Variants in TNPO2 observed in about 807,000 individuals in gnomAD.
The protein encoded by TNPO2 is transportin 2.
A neutral mutation model predicts 111.1 loss-of-function variants in TNPO2; 16 were observed. That is an observed-to-expected ratio of 0.14 (90% CI 0.10 to 0.22). The LOEUF (loss-of-function observed/expected upper bound fraction) is 0.22, where lower values mean the gene tolerates loss of function less well. Ranked by LOEUF, TNPO2 falls within the 10% of genes least tolerant of loss-of-function variation. TNPO2 has a pLI of 1.00. For missense variants in TNPO2, 530 were observed against 1,173.7 expected (o/e 0.45, Z 8.01); for synonymous variants, 481 against 475.8 (o/e 1.01, Z -0.14).
In TNPO2 at chr19:12,702,941, C is replaced by T. The variant is rs766410927; in HGVS notation, c.2210-23G>A. The T allele has an allele frequency of 1.9e-6, 3 of 1,608,288 alleles. No individual in the cohort carries two copies. In the Admixed American group the frequency reaches 5.0e-5, roughly 27 times the overall value. ...CCCCTGGGGGAGCACCCAGTCAGAG[C>T]CCTGCACAGCCCCCGCCACCCACAG... On this transcript the variant is annotated intron_variant, in intron 20 of 25. Transcript: ENST00000425528. This position sits in a 1 kb window ranked among gnomAD's most constrained non-coding sequence, Gnocchi z 5.5.
rs564936967 is a variant in TNPO2 at position 12,701,704 on chromosome 19, G to A, written c.2512-32C>T. 3.3e-5 allele frequency: 54 copies of A among 1,613,076 alleles called. No individual in the cohort carries two copies. Among genetic ancestry groups the A allele is most frequent in the Middle Eastern group, 1.6e-4 (1 of 6,084 alleles). On this transcript the variant is annotated intron_variant, in intron 23 of 25. Transcript: ENST00000425528. This position sits in a 1 kb window ranked among gnomAD's most constrained non-coding sequence, Gnocchi z 5.0. ...CGTGACGGATCCCAGGTGAGGGGCC[G>A]CCCGAGCCCAGCGCCCGCGCCTGCC...
intron 11 of TNPO2, 24 bp downstream of exon 11, chr19:12,711,529 C>T (rs746247398): frequency 6.2e-7 from 1 of 1,613,924 alleles, no homozygotes; most frequent in East Asian, 2.2e-5. Flanking sequence ...CATGCCCACC[C>T]ATGCTGGGTG....
intron 13 of TNPO2, among the ~76,000 whole-genome samples, chr19:12,708,484 C>T (rs2025838109): frequency 6.7e-6 from 1 of 148,832 alleles, no homozygotes; most frequent in Non-Finnish European, 1.5e-5. Flanking sequence ...TTAAAGAGAA[C>T]AAAGATAATA....
chr19:12,718,014 GTT>G (rs962831259), intron 5 of TNPO2, among the ~76,000 whole-genome samples: 42 of 150,888 alleles, frequency 2.8e-4, no homozygotes, highest in African/African-American at 1.0e-3. Context: ...ATTTTATTTA[GTT>G]TTTTTTGAGA....
At position 12,715,012 on chromosome 19, in the gene TNPO2, G is replaced by A; in HGVS notation, c.771+35C>T. The A allele has an allele frequency of 6.3e-7, 1 of 1,576,266 alleles. No homozygotes were observed. Among genetic ancestry groups the A allele is most frequent in the Non-Finnish European group, 8.6e-7 (1 of 1,162,480 alleles). On this transcript the variant is annotated intron_variant, in intron 9 of 25. Transcript: ENST00000425528. This position sits in a 1 kb window ranked among gnomAD's most constrained non-coding sequence, Gnocchi z 7.1. ...CCCTGACCCCTGCCACCGGCCCCCT[G>A]CCTGCCCGCCTGGGCTGGCCTTGAC...
Position 12,701,761 on chromosome 19 carries a change from GC to G in TNPO2, c.2501del (p.Gly834AlafsTer13). The G allele has an allele frequency of 6.2e-7, 1 of 1,613,600 alleles. No homozygotes were observed. The highest frequency in any genetic ancestry group is 8.5e-7 in the Non-Finnish European group (1 of 1,179,698). On this transcript the variant is annotated frameshift_variant, in exon 23 of 26. Coordinates refer to ENST00000425528, the MANE Select transcript of TNPO2 (RefSeq NM_001382241.1). LOFTEE classifies it high-confidence loss of function. The surrounding 1 kb of genome is among the most constrained non-coding windows in gnomAD (Gnocchi z 5.0). Reference protein sequence around the residue: ...ICMMIGVNPGGVVQDFIFFCD... With the variant: ...ICMMIGVNPGXVVQDFIFFCD... ...GCCCAGCTGCCCCAACCTGCACAAC[GC>G]CCCCCGGGTTGACACCGATCATCAT... is the stretch of plus-strand genomic sequence containing the variant.
chr19:12,700,049 C>T lies in TNPO2; in HGVS notation c.*1215G>A, dbSNP rs907170984. 4 of 152,206 alleles carry T rather than the reference C, an allele frequency of 2.6e-5. No individual in the cohort carries two copies. Among genetic ancestry groups the T allele is most frequent in the Admixed American group, 1.3e-4 (2 of 15,266 alleles). The allele number at this position is 152,206 out of a possible 1,614,324, so 9.4% of individuals were successfully genotyped here. A position where few individuals can be genotyped will look rare whatever the true frequency, so the allele number is the denominator to read the frequency against. On this transcript the variant is annotated 3_prime_UTR_variant, in exon 26 of 26. Coordinates refer to ENST00000425528, the MANE Select transcript of TNPO2 (RefSeq NM_001382241.1). ...CCTTGACCATGTTCCCAGACTATTC[C>T]GGAAGGTTCTCTAGAATTGCTGACC... is the stretch of plus-strand genomic sequence containing the variant.
intron 13 of TNPO2, among the ~76,000 whole-genome samples, chr19:12,708,779 G>C (rs1377038918): frequency 6.6e-6 from 1 of 152,044 alleles, no homozygotes; most frequent in Middle Eastern, 3.2e-3. Flanking sequence ...GCTGAGGCAG[G>C]AGAATCTCTG....
At chr19:12,710,126 G>A (rs1422237040) in intron 13 of TNPO2, among the ~76,000 whole-genome samples, 1 of 152,116 alleles carries the variant, frequency 6.6e-6, no homozygotes, top group Non-Finnish European at 1.5e-5. Flanking sequence ...TGAATTTGAT[G>A]AAACACCACC....
intron 10 of TNPO2, among the ~76,000 whole-genome samples, chr19:12,714,576 T>G (rs1353180684): frequency 2.0e-5 from 3 of 152,082 alleles, no homozygotes; most frequent in Admixed American, 2.0e-4. Context: ...CCTCCCAAAG[T>G]GCTAGGATTA....
chr19:12,723,637 T>A (rs1368642435), intron 1 of TNPO2, 132 bp downstream of exon 1: 1 of 152,210 alleles, frequency 6.6e-6, no homozygotes, highest in Non-Finnish European at 1.5e-5. Context: ...CCTAAGCCGA[T>A]ATTTAATGAA....
chr19:12,721,263 C>T lies in TNPO2; in HGVS notation c.-13-273G>A. 1.5e-6 allele frequency: 2 copies of T among 1,294,398 alleles called. No individual in the cohort carries two copies. Among genetic ancestry groups the T allele is most frequent in the Non-Finnish European group, 2.0e-6 (2 of 1,015,706 alleles). The allele number at this position is 1,294,398 out of a possible 1,614,324, so 80.2% of individuals were successfully genotyped here. On this transcript the variant is annotated intron_variant, in intron 2 of 25. Coordinates refer to ENST00000425528, the MANE Select transcript of TNPO2 (RefSeq NM_001382241.1). The surrounding 1 kb of genome is among the most constrained non-coding windows in gnomAD (Gnocchi z 4.9). ...CCCGGCGGATCCTCATGGGACCCAG[C>T]GAAGAGCCCTCGTCCCAGGGTGGCC...
At chr19:12,716,639 A>G (rs1303342508) in intron 5 of TNPO2, among the ~76,000 whole-genome samples, 1 of 151,496 alleles carries the variant, frequency 6.6e-6, no homozygotes, top group East Asian at 1.9e-4. Context: ...CAAACAAAAC[A>G]AAAACAAACA....
intron 12 of TNPO2, among the ~76,000 whole-genome samples, chr19:12,711,019 C>G (rs1023952979): frequency 6.6e-6 from 1 of 152,152 alleles, no homozygotes; most frequent in Non-Finnish European, 1.5e-5. Flanking sequence ...CTCAGCCTCC[C>G]GAGTAGCTGG....
Position 12,702,309 on chromosome 19 carries a change from GTCC to G in TNPO2, c.2306-135_2306-133del. 3 of 733,080 alleles carry G rather than the reference GTCC, an allele frequency of 4.1e-6. No individual in the cohort carries two copies. The highest frequency in any genetic ancestry group is 7.2e-6 in the Non-Finnish European group (3 of 417,134). The allele number at this position is 733,080 out of a possible 1,614,324, so 45.4% of individuals were successfully genotyped here. Reference sequence around the variant, plus strand: ...TCCCCCAAGCTTGGCCCAGCCAGGGGTCCTCCTCATCACACCTGAGTCACTTCC... The same window carrying G: ...TCCCCCAAGCTTGGCCCAGCCAGGGGTCCTCATCACACCTGAGTCACTTCC... On this transcript the variant is annotated intron_variant, in intron 21 of 25. Transcript: ENST00000425528. The surrounding 1 kb of genome is among the most constrained non-coding windows in gnomAD (Gnocchi z 5.5).
chr19:12,710,533 G>T, intron 13 of TNPO2, 88 bp downstream of exon 13: 1 of 1,453,800 alleles, frequency 6.9e-7, no homozygotes. Context: ...AGGCCTCCAG[G>T]GAGAACTGAG....
chr19:12,710,813 C>G (rs1316129371), intron 12 of TNPO2, 40 bp from the exon 13 acceptor site: 1 of 1,567,050 alleles, frequency 6.4e-7, no homozygotes, highest in African/African-American at 1.4e-5. Flanking sequence ...AGGGCGGCCC[C>G]TCAGGCAGGT....
rs752524810 is a variant in TNPO2, at chr19:12,702,819, C to G, written c.2305+4G>C. 6 of 1,613,574 alleles carry G rather than the reference C, an allele frequency of 3.7e-6. No individual in the cohort carries two copies. In the African/African-American group the frequency reaches 8.0e-5, roughly 22 times the overall value. ...TGCAGGCAGCAGCCGGGCCAGGTGC[C>G]CACCTGTGTTTTCCAGCAGTGTCTT... is the stretch of plus-strand genomic sequence containing the variant. On this transcript the variant is annotated splice_donor_region_variant and intron_variant, in intron 21 of 25. Transcript: ENST00000425528. This position sits in a 1 kb window ranked among gnomAD's most constrained non-coding sequence, Gnocchi z 5.5.
At position 12,723,753 on chromosome 19, in the gene TNPO2, A is replaced by ACTTGCTATCTCAACCCACTT. The variant is rs1967161325; in HGVS notation, c.-131+15_-131+16insAAGTGGGTTGAGATAGCAAG. On this transcript the variant is annotated intron_variant, in intron 1 of 25. Coordinates refer to ENST00000425528, the MANE Select transcript of TNPO2 (RefSeq NM_001382241.1). ...TTGCCCCTGCCTGAAGGAGGGGAAC[A>ACTTGCTATCTCAACCCACTT]GCTATCTCAACCCACTTGCCGTAGG... 3 of 152,220 alleles carry ACTTGCTATCTCAACCCACTT rather than the reference A, an allele frequency of 2.0e-5. No homozygotes were observed. The highest frequency in any genetic ancestry group is 7.2e-5 in the African/African-American group (3 of 41,448). 9.4% of individuals were successfully genotyped at this position (152,220 alleles called of 1,614,324 possible).
Sources: gnomAD v4.1 joint callset for allele counts (sites outside exome capture counted in the v4.1 genomes callset) on GRCh38, gnomAD v4.1.1 for gene constraint, Gnocchi (gnomAD v3.1) non-coding constraint, MANE v1.5 for transcripts, NCBI Gene and HGNC (gene_info 2026-07-23, HGNC 2026-07-21) for gene names.